SAP25: variants seen among roughly 807,000 people sequenced by gnomAD.
SAP25 encodes Sin3A associated protein 25.
In SAP25, 24 loss-of-function variants were observed where a neutral mutation model predicts 31.5. The observed-to-expected ratio is 0.76, with a 90% CI of 0.55 to 1.07. The LOEUF is 1.07. SAP25 is among the 50% of genes least tolerant of loss of function. The pLI is 0.00. For synonymous variants in SAP25, 180 were observed against 186.0 expected (o/e 0.97, Z 0.26); for missense variants, 377 against 418.8 (o/e 0.90, Z 0.87).
At position 100,572,522 on chromosome 7, in the gene SAP25, C is replaced by A. The variant is rs771035724; in HGVS notation, c.659G>T (p.Arg220Met). The A allele has an allele frequency of 3.3e-5, 47 of 1,439,952 alleles. No homozygotes were observed. Among genetic ancestry groups the A allele is most frequent in the Non-Finnish European group, 4.2e-5 (46 of 1,100,090 alleles). 89.2% of individuals were successfully genotyped at this position (1,439,952 alleles called of 1,614,324 possible). A position where few individuals can be genotyped will look rare whatever the true frequency, so the allele number is the denominator to read the frequency against. ...LLPPPPIMSARVLPRPSPSRG... is the reference protein window; with the variant it reads ...LLPPPPIMSAMVLPRPSPSRG... ...GGAGGGTGATGGGCGGGGGAGCACCCTGGCAGACATGATGGGGGGCGGCGG... is the reference window on the plus strand; with the variant it reads ...GGAGGGTGATGGGCGGGGGAGCACCATGGCAGACATGATGGGGGGCGGCGG... The change falls in exon 6 of 6, where the codon AGG (arginine) becomes ATG (methionine). Residue 220 changes from arginine to methionine, a missense_variant. Arg to Met is a moderately conservative substitution (Grantham distance 91). Coordinates refer to ENST00000622764, the MANE Select transcript of SAP25 (RefSeq NM_001348680.2). The surrounding 1 kb of genome is among the most constrained non-coding windows in gnomAD (Gnocchi z 4.1).
At position 100,573,688 on chromosome 7, in the gene SAP25, C is replaced by T; in HGVS notation, c.55G>A (p.Gly19Arg). 1.6e-6 allele frequency: 2 copies of T among 1,229,936 alleles called. No individual in the cohort carries two copies. The highest frequency in any genetic ancestry group is 2.0e-6 in the Non-Finnish European group (2 of 986,752). 76.2% of individuals were successfully genotyped at this position (1,229,936 alleles called of 1,614,324 possible). A position where few individuals can be genotyped will look rare whatever the true frequency, so the allele number is the denominator to read the frequency against. The change falls in exon 1 of 6, where the codon GGA becomes AGA. Residue 19 changes from glycine to arginine, a missense_variant. By Grantham distance (125) the Gly-to-Arg change is moderately radical (BLOSUM62 -2). Coordinates refer to ENST00000622764, the MANE Select transcript of SAP25 (RefSeq NM_001348680.2). ...WGAGPEEAPEGPGLPAGKDQG... is the reference protein window; with the variant it reads ...WGAGPEEAPERPGLPAGKDQG... ...TCCTTGCCCGCCGGAAGGCCTGGTCCCTCGGGCGCCTCCTCCGGGCCCGCG... is the reference window on the plus strand; with the variant it reads ...TCCTTGCCCGCCGGAAGGCCTGGTCTCTCGGGCGCCTCCTCCGGGCCCGCG...
intron 1 of SAP25, 54 bp downstream of exon 1, chr7:100,573,543 A>C: frequency 8.1e-7 from 1 of 1,229,592 alleles, no homozygotes; most frequent in Non-Finnish European, 1.0e-6. Context: ...CGCGTGGTGA[A>C]GGCATGGAGG....
At position 100,572,515 on chromosome 7, in the gene SAP25, G is replaced by A. The variant is rs1584398453; in HGVS notation, c.666C>T (p.Leu222=). ...GGCCCCGGGAGGGTGATGGGCGGGG[G>A]AGCACCCTGGCAGACATGATGGGGG... ...PPPPIMSARV[L]PRPSPSRGPS... The change falls in exon 6 of 6, where the codon CTC becomes CTT. Residue 222 remains leucine (L), a synonymous_variant. Coordinates refer to ENST00000622764, the MANE Select transcript of SAP25 (RefSeq NM_001348680.2). This position sits in a 1 kb window ranked among gnomAD's most constrained non-coding sequence, Gnocchi z 4.1. 7.0e-7 allele frequency: 1 copy of A among 1,436,180 alleles called. No individual in the cohort carries two copies. The highest frequency in any genetic ancestry group is 9.1e-7 in the Non-Finnish European group (1 of 1,097,680). The allele number at this position is 1,436,180 out of a possible 1,614,324, so 89.0% of individuals were successfully genotyped here. A position where few individuals can be genotyped will look rare whatever the true frequency, so the allele number is the denominator to read the frequency against.
rs1801170292 is a variant in SAP25 at position 100,572,618 on chromosome 7, G to A, written c.609+36C>T. On this transcript the variant is annotated intron_variant, in intron 5 of 5. Coordinates refer to ENST00000622764, the MANE Select transcript of SAP25 (RefSeq NM_001348680.2). This position sits in a 1 kb window ranked among gnomAD's most constrained non-coding sequence, Gnocchi z 4.1. ...TGTTTCCTGCCAGGCAAGCCTGGAG[G>A]CTGGGGTAAGGACAGGGAGGGGAAA... The A allele has an allele frequency of 6.6e-7, 1 of 1,508,344 alleles. No individual in the cohort carries two copies. The highest frequency in any genetic ancestry group is 1.2e-5 in the South Asian group (1 of 81,650). 93.4% of individuals were successfully genotyped at this position (1,508,344 alleles called of 1,614,324 possible).
chr7:100,572,931 G>A lies in SAP25; in HGVS notation c.440C>T (p.Ser147Leu), dbSNP rs1265059172. The A allele has an allele frequency of 2.3e-5, 34 of 1,497,394 alleles. No homozygotes were observed. The East Asian group carries it at 5.4e-4, about 24-fold the overall frequency. 92.8% of individuals were successfully genotyped at this position (1,497,394 alleles called of 1,614,324 possible). A position where few individuals can be genotyped will look rare whatever the true frequency, so the allele number is the denominator to read the frequency against. Residue 147 changes from serine to leucine, a missense_variant, in exon 4 of 6, where the codon TCG becomes TTG. Coordinates refer to ENST00000622764, the MANE Select transcript of SAP25 (RefSeq NM_001348680.2). This position sits in a 1 kb window ranked among gnomAD's most constrained non-coding sequence, Gnocchi z 4.1. Reference sequence around the variant, plus strand: ...GGCCACGGGCCTGAGACCCCTGCCCGAGGCTGCTTCATACAGCGGCCAGAA... The same window carrying A: ...GGCCACGGGCCTGAGACCCCTGCCCAAGGCTGCTTCATACAGCGGCCAGAA... ...PSFWPLYEAA[S>L]GRGLRPVAPA...
rs1382425995 is a variant in SAP25, at chr7:100,572,309, G to T, written c.872C>A (p.Thr291Asn). 2 of 1,330,086 alleles carry T rather than the reference G, an allele frequency of 1.5e-6. No homozygotes were observed. The highest frequency in any genetic ancestry group is 1.9e-6 in the Non-Finnish European group (2 of 1,042,904). The allele number at this position is 1,330,086 out of a possible 1,614,324, so 82.4% of individuals were successfully genotyped here. A position where few individuals can be genotyped will look rare whatever the true frequency, so the allele number is the denominator to read the frequency against. The change falls in exon 6 of 6, where the codon ACC becomes AAC. Residue 291 changes from threonine (T) to asparagine (N), a missense_variant. By Grantham distance (65) the Thr-to-Asn change is moderately conservative. Transcript: ENST00000622764. This position sits in a 1 kb window ranked among gnomAD's most constrained non-coding sequence, Gnocchi z 4.1. ...SQGADLSLPQ[T>N]PDTHCP ...AGGCTATGGACAATGGGTGTCTGGG[G>T]TCTGTGGGAGAGAGAGGTCAGCACC...
chr7:100,573,278 G>T lies in SAP25; in HGVS notation c.250+19C>A. 7.0e-7 allele frequency: 1 copy of T among 1,423,240 alleles called. No individual in the cohort carries two copies. Among genetic ancestry groups the T allele is most frequent in the Non-Finnish European group, 9.2e-7 (1 of 1,085,150 alleles). The allele number at this position is 1,423,240 out of a possible 1,614,324, so 88.2% of individuals were successfully genotyped here. A position where few individuals can be genotyped will look rare whatever the true frequency, so the allele number is the denominator to read the frequency against. On this transcript the variant is annotated intron_variant, in intron 2 of 5. Transcript: ENST00000622764. ...TGAGAGGCTCTTAGGGGTAGTAGAG[G>T]CAGCAGGGCCTGTCCTACCTGGGGC... is the stretch of plus-strand genomic sequence containing the variant.
chr7:100,573,258 G>A (rs1801203156), intron 2 of SAP25, 39 bp downstream of exon 2: 2 of 1,432,018 alleles, frequency 1.4e-6, no homozygotes, highest in Non-Finnish European at 1.9e-6. Flanking sequence ...GTCAGTGAGA[G>A]GCTCTTAGGG....
At position 100,572,658 on chromosome 7, in the gene SAP25, T is replaced by C. The variant is rs1216592114; in HGVS notation, c.605A>G (p.Gln202Arg). 7 of 1,531,794 alleles carry C rather than the reference T, an allele frequency of 4.6e-6. No homozygotes were observed. In the African/African-American group the frequency reaches 8.3e-5, roughly 18 times the overall value. 94.9% of individuals were successfully genotyped at this position (1,531,794 alleles called of 1,614,324 possible). Residue 202 changes from glutamine (Q) to arginine (R), a missense_variant, in exon 5 of 6, where the codon CAG becomes CGG. Gln to Arg is a conservative substitution (Grantham distance 43). Transcript: ENST00000622764. This position sits in a 1 kb window ranked among gnomAD's most constrained non-coding sequence, Gnocchi z 4.1. ...RVPLYLSKAP[Q>R]QMMGSLKLLP... Reference sequence around the variant, plus strand: ...GGGAGGGGAAAGAGCTCTCACCTGCTGGGGGGCCTTGGACAGGTACAGGGG... The same window carrying C: ...GGGAGGGGAAAGAGCTCTCACCTGCCGGGGGGCCTTGGACAGGTACAGGGG...
In SAP25 at chr7:100,572,949, G is replaced by A. The variant is rs1237625115; in HGVS notation, c.422C>T (p.Pro141Leu). 4 of 1,508,786 alleles carry A rather than the reference G, an allele frequency of 2.7e-6. No homozygotes were observed. The highest frequency in any genetic ancestry group is 1.2e-5 in the South Asian group (1 of 80,702). The allele number at this position is 1,508,786 out of a possible 1,614,324, so 93.5% of individuals were successfully genotyped here. A position where few individuals can be genotyped will look rare whatever the true frequency, so the allele number is the denominator to read the frequency against. ...GRTLCHPSFW[P>L]LYEAASGRGL... is the part of the protein sequence containing the mutation. Reference sequence around the variant, plus strand: ...CCTGCCCGAGGCTGCTTCATACAGCGGCCAGAATGAGGGGTGACACAGCGT... The same window carrying A: ...CCTGCCCGAGGCTGCTTCATACAGCAGCCAGAATGAGGGGTGACACAGCGT... Residue 141 changes from proline (P) to leucine (L), a missense_variant, in exon 4 of 6, where the codon CCG (proline) becomes CTG (leucine). Coordinates refer to ENST00000622764, the MANE Select transcript of SAP25 (RefSeq NM_001348680.2). The surrounding 1 kb of genome is among the most constrained non-coding windows in gnomAD (Gnocchi z 4.1).
In SAP25 at chr7:100,573,877, G is replaced by A. The variant is rs1205593713; in HGVS notation, c.-135C>T. 2.8e-6 allele frequency: 2 copies of A among 709,208 alleles called. No homozygotes were observed. The highest frequency in any genetic ancestry group is 6.4e-5 in the East Asian group (1 of 15,746). 43.9% of individuals were successfully genotyped at this position (709,208 alleles called of 1,614,324 possible). A position where few individuals can be genotyped will look rare whatever the true frequency, so the allele number is the denominator to read the frequency against. On this transcript the variant is annotated 5_prime_UTR_variant, in exon 1 of 6. Transcript: ENST00000622764. Reference sequence around the variant, plus strand: ...CCAGAGGCCTCGCGGCGACGCTGGCGCCCTGTGCGTCTCCCGGCCACGTGG... The same window carrying A: ...CCAGAGGCCTCGCGGCGACGCTGGCACCCTGTGCGTCTCCCGGCCACGTGG...
Position 100,572,756 on chromosome 7 carries a change from G to A in SAP25, c.512-5C>T, listed in dbSNP as rs1396696977. 6.5e-7 allele frequency: 1 copy of A among 1,530,714 alleles called. No individual in the cohort carries two copies. The highest frequency in any genetic ancestry group is 1.4e-5 in the African/African-American group (1 of 72,404). 94.8% of individuals were successfully genotyped at this position (1,530,714 alleles called of 1,614,324 possible). On this transcript the variant is annotated splice_polypyrimidine_tract_variant and splice_region_variant and intron_variant, in intron 4 of 5. Transcript: ENST00000622764. This position sits in a 1 kb window ranked among gnomAD's most constrained non-coding sequence, Gnocchi z 4.1. ...CACAGCACACCACCGGGAACCCTAG[G>A]AGGAAACACCACTAGGGTGGCGGGC...
In SAP25 at chr7:100,573,603, C is replaced by T. The variant is rs1032800490; in HGVS notation, c.140G>A (p.Trp47Ter). Residue 47 changes from tryptophan to a stop codon, truncating the protein, a stop_gained, in exon 1 of 6, where the codon TGG becomes TAG. Coordinates refer to ENST00000622764, the MANE Select transcript of SAP25 (RefSeq NM_001348680.2). LOFTEE classifies it high-confidence loss of function. ...DAPRELGTPP[W>*]DSPQPPSRSP... is the part of the protein sequence containing the mutation. ...CTCCGTCCGAGCCCCTCACCTGTCC[C>T]ATGGGGGTGTCCCCAGCTCCCTGGG... 1 of 1,232,226 alleles carries T rather than the reference C, an allele frequency of 8.1e-7. No homozygotes were observed. The highest frequency in any genetic ancestry group is 1.6e-5 in the African/African-American group (1 of 64,386). The allele number at this position is 1,232,226 out of a possible 1,614,324, so 76.3% of individuals were successfully genotyped here. A position where few individuals can be genotyped will look rare whatever the true frequency, so the allele number is the denominator to read the frequency against.
Position 100,573,719 on chromosome 7 carries a change from C to G in SAP25, c.24G>C (p.Arg8=), listed in dbSNP as rs1261217033. The change falls in exon 1 of 6, where the codon CGG becomes CGC. Residue 8 remains arginine (R), a synonymous_variant. Coordinates refer to ENST00000622764, the MANE Select transcript of SAP25 (RefSeq NM_001348680.2). ...GCGCCTCCTCCGGGCCCGCGCCCCA[C>G]CGCGGCGGCGACCAGGGCAACATTC... MLPWSPP[R]WGAGPEEAPE... The G allele has an allele frequency of 3.3e-6, 4 of 1,224,146 alleles. No individual in the cohort carries two copies. Among genetic ancestry groups the G allele is most frequent in the Non-Finnish European group, 4.1e-6 (4 of 983,108 alleles). 75.8% of individuals were successfully genotyped at this position (1,224,146 alleles called of 1,614,324 possible).
chr7:100,573,698 C>A lies in SAP25; in HGVS notation c.45G>T (p.Glu15Asp). The change falls in exon 1 of 6, where the codon GAG becomes GAT. Residue 15 changes from glutamate (E) to aspartate (D), a missense_variant. Glu to Asp is a conservative substitution (Grantham distance 45). Coordinates refer to ENST00000622764, the MANE Select transcript of SAP25 (RefSeq NM_001348680.2). ...CCGGAAGGCCTGGTCCCTCGGGCGC[C>A]TCCTCCGGGCCCGCGCCCCACCGCG... ...SPPRWGAGPE[E>D]APEGPGLPAG... 8.1e-7 allele frequency: 1 copy of A among 1,229,246 alleles called. No homozygotes were observed. Among genetic ancestry groups the A allele is most frequent in the Non-Finnish European group, 1.0e-6 (1 of 986,348 alleles). 76.1% of individuals were successfully genotyped at this position (1,229,246 alleles called of 1,614,324 possible). A position where few individuals can be genotyped will look rare whatever the true frequency, so the allele number is the denominator to read the frequency against.
In SAP25 at chr7:100,572,840, CG is replaced by C; in HGVS notation, c.511+19del. The C allele has an allele frequency of 6.8e-7, 1 of 1,478,464 alleles. No individual in the cohort carries two copies. The highest frequency in any genetic ancestry group is 8.9e-7 in the Non-Finnish European group (1 of 1,119,892). 91.6% of individuals were successfully genotyped at this position (1,478,464 alleles called of 1,614,324 possible). ...AGGAGTTGGGGCAGCCTTGCGCCCC[CG>C]GGGGACCAAGGGAGGTACCTGCATC... On this transcript the variant is annotated intron_variant, in intron 4 of 5. Coordinates refer to ENST00000622764, the MANE Select transcript of SAP25 (RefSeq NM_001348680.2). The surrounding 1 kb of genome is among the most constrained non-coding windows in gnomAD (Gnocchi z 4.1).
chr7:100,573,839 T>G lies in SAP25; in HGVS notation c.-97A>C. On this transcript the variant is annotated 5_prime_UTR_variant, in exon 1 of 6. Transcript: ENST00000622764. ...GCGGCGCGGCGCGAACGTGCCCTCC[T>G]GGCGAACCCACCCCAGAGGCCTCGC... is the stretch of plus-strand genomic sequence containing the variant. The G allele has an allele frequency of 9.5e-7, 1 of 1,053,358 alleles. No individual in the cohort carries two copies. Among genetic ancestry groups the G allele is most frequent in the Non-Finnish European group, 1.2e-6 (1 of 852,486 alleles). The allele number at this position is 1,053,358 out of a possible 1,614,324, so 65.3% of individuals were successfully genotyped here. A position where few individuals can be genotyped will look rare whatever the true frequency, so the allele number is the denominator to read the frequency against.
chr7:100,573,489 G>T, intron 1 of SAP25, 89 bp from the exon 2 acceptor site: 1 of 1,217,366 alleles, frequency 8.2e-7, no homozygotes, highest in Non-Finnish European at 1.0e-6. Context: ...GGGAGACCGA[G>T]GGACCCAATC....
chr7:100,572,693 C>A lies in SAP25; in HGVS notation c.570G>T (p.Gly190=), dbSNP rs1187967613. The A allele has an allele frequency of 2.0e-6, 3 of 1,535,460 alleles. No individual in the cohort carries two copies. In the African/African-American group the frequency reaches 4.1e-5, roughly 21 times the overall value. ...VFLSDPLLPR[G]QRVPLYLSKA... ...TGGACAGGTACAGGGGAACACGCTG[C>A]CCCCGGGGCAGCAGAGGGTCCGAGA... The change falls in exon 5 of 6, where the codon GGG becomes GGT. Residue 190 remains glycine (G), a synonymous_variant. Transcript: ENST00000622764. The surrounding 1 kb of genome is among the most constrained non-coding windows in gnomAD (Gnocchi z 4.1).
Sources: allele counts gnomAD v4.1 joint callset, GRCh38; gene constraint gnomAD v4.1.1; non-coding constraint Gnocchi (gnomAD v3.1); transcripts MANE v1.5; gene names NCBI Gene and HGNC (gene_info 2026-07-23, HGNC 2026-07-21).